The following CAMTA1 variants were observed in gnomAD, a reference collection of about 807,000 sequenced individuals.
The protein encoded by CAMTA1 is calmodulin-binding transcription activator 1.
CAMTA1 carries 27 observed loss-of-function variants against 170.9 expected under a neutral mutation model. The ratio of observed to expected loss-of-function variants is 0.16; its 90% confidence interval spans 0.12 to 0.22. The LOEUF is 0.22. Among genes scored for constraint, CAMTA1 ranks in the 10% least tolerant of loss-of-function variants. The pLI, the probability that CAMTA1 is intolerant of heterozygous loss-of-function variation, is 1.00. For synonymous variants in CAMTA1, 833 were observed against 891.5 expected (o/e 0.93, Z 1.17); for missense variants, 1,619 against 2,217.2 (o/e 0.73, Z 5.42).
At chr1:7,661,658 C>T (rs1326024049) in intron 7 of CAMTA1, 68 bp from the exon 8 acceptor site, 2 of 1,575,646 alleles carry the variant, frequency 1.3e-6, no homozygotes, top group East Asian at 4.5e-5. Context: ...GGGTCCTACC[C>T]CTTGGCCCCA....
intron 6 of CAMTA1, among the ~76,000 whole-genome samples, chr1:7,636,137 G>T (rs931743496): frequency 6.6e-6 from 1 of 152,212 alleles, no homozygotes; most frequent in Non-Finnish European, 1.5e-5. Context: ...CAGCATGGAG[G>T]CTCCCGGGAA....
chr1:7,713,134 A>G (rs138786233), intron 11 of CAMTA1, among the ~76,000 whole-genome samples: 2 of 152,316 alleles, frequency 1.3e-5, no homozygotes, highest in African/African-American at 4.8e-5. Flanking sequence ...CTGACCACAC[A>G]GAGTGAGTGA....
intron 5 of CAMTA1, among the ~76,000 whole-genome samples, chr1:7,403,772 T>C (rs2090090413): frequency 6.6e-6 from 1 of 152,184 alleles, no homozygotes. Context: ...TGTTGAGTGA[T>C]AACAGGTGCT....
chr1:7,530,441 C>T (rs2094477629), intron 6 of CAMTA1, among the ~76,000 whole-genome samples: 1 of 152,152 alleles, frequency 6.6e-6, no homozygotes, highest in Admixed American at 6.5e-5. Context: ...TGGGGACATG[C>T]ATTTGTTTCG....
chr1:7,291,111 TG>T (rs1673071741), intron 5 of CAMTA1, among the ~76,000 whole-genome samples: 1 of 152,102 alleles, frequency 6.6e-6, no homozygotes. Context: ...CACTGGTGGG[TG>T]GGCTGCCATA....
At chr1:6,813,790 C>T (rs551478629) in intron 1 of CAMTA1, among the ~76,000 whole-genome samples, 25 of 152,202 alleles carry the variant, frequency 1.6e-4, no homozygotes, top group Non-Finnish European at 3.1e-4. Flanking sequence ...TGTTCAGTCT[C>T]TTGCTTTTGT....
intron 4 of CAMTA1, among the ~76,000 whole-genome samples, chr1:7,149,363 C>G (rs1168702327): frequency 6.6e-6 from 1 of 152,174 alleles, no homozygotes; most frequent in Non-Finnish European, 1.5e-5. Flanking sequence ...TGGGCTTCGG[C>G]GAGACTCTCA....
intron 5 of CAMTA1, among the ~76,000 whole-genome samples, chr1:7,278,958 T>C (rs1221840501): frequency 6.6e-6 from 1 of 151,778 alleles, no homozygotes; most frequent in East Asian, 1.9e-4. Flanking sequence ...GATGTTTCAC[T>C]GAGGTTGCCA....
chr1:7,251,166 C>T lies in CAMTA1; in HGVS notation c.438+1540C>T, dbSNP rs757850143. 2.1e-4 allele frequency among the ~76,000 whole-genome samples: 32 copies of T among 152,152 alleles called. No individual in the cohort carries two copies. The highest frequency in any genetic ancestry group is 1.2e-3 in the Admixed American group (19 of 15,282). ...CTGGTATATTTCATCTTTAGTAATACGTACATCAGGAACTTCTGCTCGTGA... is the reference window on the plus strand; with the variant it reads ...CTGGTATATTTCATCTTTAGTAATATGTACATCAGGAACTTCTGCTCGTGA... On this transcript the variant is annotated intron_variant, in intron 5 of 22. Coordinates refer to ENST00000303635, the MANE Select transcript of CAMTA1 (RefSeq NM_015215.4). The surrounding 1 kb of genome is among the most constrained non-coding windows in gnomAD (Gnocchi z 5.1).
intron 6 of CAMTA1, among the ~76,000 whole-genome samples, chr1:7,542,838 AGTGTGTGTGTGTGTGT>A (rs373719721): frequency 9.3e-4 from 52 of 56,024 alleles, no homozygotes; most frequent in Middle Eastern, 0.015. Flanking sequence ...CCTAAAACAC[AGTGTGTGTGTGTGTGT>A]GTGTGTGTGT....
chr1:7,048,866 A>G (rs1393648516), intron 3 of CAMTA1, among the ~76,000 whole-genome samples: 1 of 152,196 alleles, frequency 6.6e-6, no homozygotes, highest in Non-Finnish European at 1.5e-5. Flanking sequence ...CCCCAAGTGC[A>G]TCTGAGAACG....
rs188075372 is a variant in CAMTA1 at position 7,224,961 on chromosome 1, G to T, written c.303-24530G>T. 6.6e-6 allele frequency among the ~76,000 whole-genome samples: 1 copy of T among 152,200 alleles called. No homozygotes were observed. Among genetic ancestry groups the T allele is most frequent in the Non-Finnish European group, 1.5e-5 (1 of 68,032 alleles). Reference sequence around the variant, plus strand: ...TGGCAGAAAGCGCCTTGACCCCATCGTCTAGTGTCTCCTTGACTGAGATGA... The same window carrying T: ...TGGCAGAAAGCGCCTTGACCCCATCTTCTAGTGTCTCCTTGACTGAGATGA... On this transcript the variant is annotated intron_variant, in intron 4 of 22. Transcript: ENST00000303635. This position sits in a 1 kb window ranked among gnomAD's most constrained non-coding sequence, Gnocchi z 5.2.
intron 3 of CAMTA1, among the ~76,000 whole-genome samples, chr1:7,086,316 A>G (rs1228171697): frequency 6.6e-6 from 1 of 152,090 alleles, no homozygotes; most frequent in Non-Finnish European, 1.5e-5. Flanking sequence ...CCGGGCACGC[A>G]CACACGTGGT....
rs114204765 is a variant in CAMTA1 at position 7,100,117 on chromosome 1, T to G, written c.302+8746T>G. 5.4e-3 allele frequency among the ~76,000 whole-genome samples: 828 copies of G among 152,192 alleles called. 12 individuals carry two copies. Among genetic ancestry groups the G allele is most frequent in the African/African-American group, 0.019 (793 of 41,514 alleles). On this transcript the variant is annotated intron_variant, in intron 4 of 22. Coordinates refer to ENST00000303635, the MANE Select transcript of CAMTA1 (RefSeq NM_015215.4). Reference sequence around the variant, plus strand: ...GCACCTACTGCTTCCAATTCACGAGTCTTCTAGGGGCTTGGCAGGCGGGTT... The same window carrying G: ...GCACCTACTGCTTCCAATTCACGAGGCTTCTAGGGGCTTGGCAGGCGGGTT...
intron 11 of CAMTA1, among the ~76,000 whole-genome samples, chr1:7,718,304 T>A (rs1020593443): frequency 3.3e-5 from 5 of 150,504 alleles, no homozygotes; most frequent in Non-Finnish European, 5.9e-5. Flanking sequence ...GGATTCTCCA[T>A]AGTTCTTCCC....
rs531919263 is a variant in CAMTA1, at chr1:7,204,941, C to T, written c.303-44550C>T. On this transcript the variant is annotated intron_variant, in intron 4 of 22. Coordinates refer to ENST00000303635, the MANE Select transcript of CAMTA1 (RefSeq NM_015215.4). The stretch of plus-strand genomic sequence containing the variant: ...GCCTCCTGGGTTCACACCATTCTCC[C>T]GCCTCAGCCTCCCAAGTAGCTGGGA... Among the ~76,000 whole-genome samples the T allele has an allele frequency of 7.4e-5, 11 of 148,320 alleles. No individual in the cohort carries two copies. The East Asian group carries it at 8.0e-4, about 11-fold the overall frequency.
Position 7,507,495 on chromosome 1 carries a change from A to G in CAMTA1, c.510+39594A>G, listed in dbSNP as rs114296693. ...CTCTCTCATCTTTGGCACCTGAAAA[A>G]CCCCAACATTCCCAGGAGGGCAAAC... On this transcript the variant is annotated intron_variant, in intron 6 of 22. Coordinates refer to ENST00000303635, the MANE Select transcript of CAMTA1 (RefSeq NM_015215.4). Among the ~76,000 whole-genome samples, 643 of 151,690 alleles carry G rather than the reference A, an allele frequency of 4.2e-3. 6 individuals are homozygous for G. Among genetic ancestry groups the G allele is most frequent in the African/African-American group, 0.014 (587 of 41,290 alleles).
At chr1:7,710,670 A>G (rs1219705035) in intron 11 of CAMTA1, among the ~76,000 whole-genome samples, 1 of 151,704 alleles carries the variant, frequency 6.6e-6, no homozygotes, top group East Asian at 1.9e-4. Flanking sequence ...ATCTTCAGCT[A>G]GAACTAGCTC....
At chr1:7,032,232 T>C (rs1379646305) in intron 3 of CAMTA1, among the ~76,000 whole-genome samples, 1 of 152,244 alleles carries the variant, frequency 6.6e-6, no homozygotes, top group African/African-American at 2.4e-5. Flanking sequence ...CCCAGAGTGC[T>C]GGGATTATAG....
Sources: gnomAD v4.1 joint callset for allele counts (sites outside exome capture counted in the v4.1 genomes callset) on GRCh38, gnomAD v4.1.1 for gene constraint, Gnocchi (gnomAD v3.1) non-coding constraint, MANE v1.5 for transcripts, NCBI Gene and HGNC (gene_info 2026-07-23, HGNC 2026-07-21) for gene names.